The following ANKS1B variants were observed in gnomAD, a reference collection of about 807,000 sequenced individuals.
The protein encoded by ANKS1B is ankyrin repeat and sterile alpha motif domain containing 1B.
In ANKS1B, 36 loss-of-function variants were observed where a neutral mutation model predicts 148.3. The observed-to-expected ratio is 0.24, with a 90% CI of 0.19 to 0.32. ANKS1B has a LOEUF of 0.32. Among genes scored for constraint, ANKS1B ranks in the 10% least tolerant of loss-of-function variants. The pLI is 1.00. For missense variants in ANKS1B, 1,157 were observed against 1,542.6 expected (o/e 0.75, Z 4.19); for synonymous variants, 542 against 560.8 (o/e 0.97, Z 0.47).
At chr12:99,793,476 C>T (rs925322738) in intron 4 of ANKS1B, among the ~76,000 whole-genome samples, 2 of 151,936 alleles carry the variant, frequency 1.3e-5, no homozygotes, top group African/African-American at 4.8e-5. Context: ...AAATCAGACA[C>T]ATAGACCAAT....
intron 9 of ANKS1B, among the ~76,000 whole-genome samples, chr12:99,629,206 T>C (rs1188283920): frequency 6.6e-6 from 1 of 152,168 alleles, no homozygotes; most frequent in African/African-American, 2.4e-5. Context: ...AGACCATCCA[T>C]TCACTCAGCA....
At chr12:98,860,878 A>C (rs1054764662) in intron 17 of ANKS1B, among the ~76,000 whole-genome samples, 2 of 152,332 alleles carry the variant, frequency 1.3e-5, no homozygotes, top group Middle Eastern at 3.4e-3. Context: ...AACTTAAACT[A>C]AAATTAAAAA....
Position 99,402,325 on chromosome 12 carries a change from T to C in ANKS1B, c.1576-2514A>G, listed in dbSNP as rs1024740067. ...TTAAAGTGAACCTTCCTTTTTTATA[T>C]TTTTATTTTAAGTTCAGGGGTACAT... is the stretch of plus-strand genomic sequence containing the variant. On this transcript the variant is annotated intron_variant, in intron 11 of 26. Coordinates refer to ENST00000683438, the MANE Select transcript of ANKS1B (RefSeq NM_001352186.2). 6.9e-5 allele frequency among the ~76,000 whole-genome samples: 10 copies of C among 145,978 alleles called. 1 individual carries two copies. The highest frequency in any genetic ancestry group is 1.2e-4 in the Non-Finnish European group (8 of 66,072).
At chr12:99,733,877 T>A (rs2059387934) in intron 8 of ANKS1B, among the ~76,000 whole-genome samples, 1 of 152,252 alleles carries the variant, frequency 6.6e-6, no homozygotes, top group Admixed American at 6.5e-5. Flanking sequence ...CTGTTTACTG[T>A]ACCCCAACTA....
chr12:98,855,484 CAT>C (rs1241570497), intron 17 of ANKS1B, among the ~76,000 whole-genome samples: 1 of 152,170 alleles, frequency 6.6e-6, no homozygotes, highest in Non-Finnish European at 1.5e-5. Context: ...TATTCGGAAA[CAT>C]ATTTAATTTT....
At chr12:99,763,552 AC>A (rs2062361228) in intron 8 of ANKS1B, among the ~76,000 whole-genome samples, 1 of 152,098 alleles carries the variant, frequency 6.6e-6, no homozygotes, top group Non-Finnish European at 1.5e-5. Flanking sequence ...CATATTGGGT[AC>A]TATGCTCATT....
intron 19 of ANKS1B, among the ~76,000 whole-genome samples, chr12:98,824,289 T>C (rs545794694): frequency 6.6e-6 from 1 of 152,276 alleles, no homozygotes; most frequent in South Asian, 2.1e-4. Flanking sequence ...ATTAAAATAA[T>C]AAAAGAAAAA....
At chr12:99,627,496 C>T (rs1438589594) in intron 9 of ANKS1B, among the ~76,000 whole-genome samples, 1 of 152,120 alleles carries the variant, frequency 6.6e-6, no homozygotes, top group African/African-American at 2.4e-5. Flanking sequence ...AGAAATTGAG[C>T]ATATTGTTAA....
chr12:98,843,288 C>T (rs2099418250), intron 17 of ANKS1B, among the ~76,000 whole-genome samples: 1 of 152,134 alleles, frequency 6.6e-6, no homozygotes, highest in South Asian at 2.1e-4. Flanking sequence ...GAGTTCTTGC[C>T]CTGGCAAGAC....
intron 12 of ANKS1B, among the ~76,000 whole-genome samples, chr12:99,342,963 AT>A (rs1334382741): frequency 3.9e-5 from 6 of 151,948 alleles, no homozygotes; most frequent in African/African-American, 7.2e-5. Flanking sequence ...ACTATAATTT[AT>A]TTTTAATATA....
At chr12:99,679,327 G>C (rs2098600403) in intron 8 of ANKS1B, among the ~76,000 whole-genome samples, 1 of 152,128 alleles carries the variant, frequency 6.6e-6, no homozygotes, top group African/African-American at 2.4e-5. Flanking sequence ...TGTTTTGTTT[G>C]AGACAGGGTC....
At chr12:98,903,607 G>GT (rs2099775076) in intron 17 of ANKS1B, among the ~76,000 whole-genome samples, 1 of 152,242 alleles carries the variant, frequency 6.6e-6, no homozygotes, top group Non-Finnish European at 1.5e-5. Context: ...TCCAGTGATA[G>GT]TTTTTGAGGC....
chr12:98,772,249 T>C (rs2098595778), intron 25 of ANKS1B, among the ~76,000 whole-genome samples: 1 of 152,074 alleles, frequency 6.6e-6, no homozygotes, highest in Non-Finnish European at 1.5e-5. Context: ...GCCCTGAAAG[T>C]GGTGATTCAG....
At chr12:99,681,416 G>A (rs574022283) in intron 8 of ANKS1B, among the ~76,000 whole-genome samples, 33 of 152,252 alleles carry the variant, frequency 2.2e-4, no homozygotes, top group African/African-American at 6.5e-4. Flanking sequence ...TTACAACCAA[G>A]GACACTCACG....
At position 99,655,091 on chromosome 12, in the gene ANKS1B, G is replaced by T. The variant is rs749504707; in HGVS notation, c.1248C>A (p.Asn416Lys). Reference protein sequence around the residue: ...EALTPCNGCRNLGFPMLAQES... With the variant: ...EALTPCNGCRKLGFPMLAQES... Reference sequence around the variant, plus strand: ...CCTGGGCAAGCATGGGGAAGCCAAGGTTCCTACATCCATTACACGGAGTTA... The same window carrying T: ...CCTGGGCAAGCATGGGGAAGCCAAGTTTCCTACATCCATTACACGGAGTTA... The change falls in exon 9 of 27, where the codon AAC (asparagine) becomes AAA (lysine). Residue 416 changes from asparagine to lysine, a missense_variant. By Grantham distance (94) the Asn-to-Lys change is moderately conservative (BLOSUM62 0). This residue lies in a region of ANKS1B where 661 missense variants were observed against 642.1 expected (regional missense o/e 1.03). Coordinates refer to ENST00000683438, the MANE Select transcript of ANKS1B (RefSeq NM_001352186.2). 6.2e-7 allele frequency: 1 copy of T among 1,603,236 alleles called. No homozygotes were observed. The highest frequency in any genetic ancestry group is 1.3e-5 in the African/African-American group (1 of 74,898).
At chr12:99,309,923 T>C (rs1259189308) in intron 12 of ANKS1B, among the ~76,000 whole-genome samples, 1 of 152,092 alleles carries the variant, frequency 6.6e-6, no homozygotes, top group Non-Finnish European at 1.5e-5. Flanking sequence ...GAGTTTGGAG[T>C]GAAGTGGCAA....
intron 9 of ANKS1B, among the ~76,000 whole-genome samples, chr12:99,560,368 C>T (rs1380612674): frequency 1.3e-5 from 2 of 150,946 alleles, no homozygotes; most frequent in African/African-American, 4.9e-5. Flanking sequence ...CTTCAAAGTA[C>T]AATACAGTTT....
intron 10 of ANKS1B, among the ~76,000 whole-genome samples, chr12:99,485,247 T>G (rs532562783): frequency 3.3e-5 from 5 of 152,196 alleles, no homozygotes; most frequent in African/African-American, 1.2e-4. Flanking sequence ...TGAAAATCAC[T>G]TTATTTCTTC....
At chr12:99,423,757 T>G (rs2152723601) in intron 11 of ANKS1B, among the ~76,000 whole-genome samples, 1 of 152,260 alleles carries the variant, frequency 6.6e-6, no homozygotes, top group East Asian at 1.9e-4. Context: ...AAACACCACA[T>G]GTTCTCACTT....
Sources: gnomAD v4.1 joint callset for allele counts (sites outside exome capture counted in the v4.1 genomes callset) on GRCh38, gnomAD v4.1.1 for gene constraint, gnomAD v4.1.1 regional missense constraint, MANE v1.5 for transcripts, NCBI Gene and HGNC (gene_info 2026-07-23, HGNC 2026-07-21) for gene names.